Variants in FAR2 observed in about 807,000 individuals in gnomAD.
FAR2 encodes epididymis secretory protein Li 81.
A neutral mutation model predicts 56.0 loss-of-function variants in FAR2; 19 were observed. That is an observed-to-expected ratio of 0.34 (90% CI 0.24 to 0.50). The LOEUF (loss-of-function observed/expected upper bound fraction) is 0.50, where lower values mean the gene tolerates loss of function less well. Ranked by LOEUF, FAR2 falls within the 20% of genes least tolerant of loss-of-function variation. FAR2 has a pLI of 0.98. For missense variants in FAR2, 508 were observed against 642.2 expected (o/e 0.79, Z 2.26); for synonymous variants, 219 against 218.8 (o/e 1.00, Z -0.01).
intron 10 of FAR2, among the ~76,000 whole-genome samples, chr12:29,327,768 G>A (rs1400355783): frequency 6.6e-6 from 1 of 152,186 alleles, no homozygotes; most frequent in Non-Finnish European, 1.5e-5. Flanking sequence ...ATGGATTAAA[G>A]ACTTACACGT....
At chr12:29,298,127 G>C (rs906786741) in intron 4 of FAR2, among the ~76,000 whole-genome samples, 6 of 151,722 alleles carry the variant, frequency 4.0e-5, no homozygotes, top group Non-Finnish European at 7.4e-5. Flanking sequence ...ATTTGGCTGA[G>C]ACACACTTTC....
intron 9 of FAR2, among the ~76,000 whole-genome samples, chr12:29,320,774 A>G (rs1172993922): frequency 6.6e-6 from 1 of 152,242 alleles, no homozygotes; most frequent in Non-Finnish European, 1.5e-5. Context: ...ATTGTATATG[A>G]AAGTTTTTTG....
intron 1 of FAR2, among the ~76,000 whole-genome samples, chr12:29,154,421 T>TTTTTGTTTTG (rs5797306): frequency 6.7e-6 from 1 of 150,288 alleles, no homozygotes; most frequent in African/African-American, 2.5e-5. Context: ...TTTGTTTTTT[T>TTTTTGTTTTG]TTTTGTTTTG....
intron 1 of FAR2, among the ~76,000 whole-genome samples, chr12:29,263,844 A>G (rs1948465630): frequency 6.6e-6 from 1 of 151,972 alleles, no homozygotes; most frequent in Non-Finnish European, 1.5e-5. Flanking sequence ...AAAGCTCATT[A>G]TTTGATGGCT....
At chr12:29,306,124 T>C (rs1233938471) in intron 4 of FAR2, among the ~76,000 whole-genome samples, 1 of 152,108 alleles carries the variant, frequency 6.6e-6, no homozygotes, top group Non-Finnish European at 1.5e-5. Context: ...TGAAATGAGA[T>C]AGTGGTAGGA....
At chr12:29,163,451 T>G (rs1015564427) in intron 1 of FAR2, among the ~76,000 whole-genome samples, 4 of 152,240 alleles carry the variant, frequency 2.6e-5, no homozygotes, top group African/African-American at 9.6e-5. Context: ...ACAACTGTAG[T>G]AGACAGAGAA....
chr12:29,249,516 C>T (rs887763325), intron 1 of FAR2, among the ~76,000 whole-genome samples: 1 of 152,172 alleles, frequency 6.6e-6, no homozygotes, highest in African/African-American at 2.4e-5. Context: ...GAAAGGGTAT[C>T]TCTACATTCC....
At chr12:29,178,443 A>T (rs1254971759) in intron 1 of FAR2, among the ~76,000 whole-genome samples, 1 of 152,148 alleles carries the variant, frequency 6.6e-6, no homozygotes, top group Non-Finnish European at 1.5e-5. Flanking sequence ...GAAAATACAA[A>T]AATTAGTTCA....
intron 1 of FAR2, among the ~76,000 whole-genome samples, chr12:29,160,907 C>T (rs1949776421): frequency 6.6e-6 from 1 of 152,074 alleles, no homozygotes; most frequent in South Asian, 2.1e-4. Flanking sequence ...TTCTAAGGTA[C>T]TGAGGTTTAG....
intron 1 of FAR2, among the ~76,000 whole-genome samples, chr12:29,205,079 A>G (rs1028926320): frequency 6.6e-6 from 1 of 152,222 alleles, no homozygotes; most frequent in African/African-American, 2.4e-5. Flanking sequence ...TGATATCAAA[A>G]TAATTACAAA....
At chr12:29,284,911 G>C (rs1473993964) in intron 2 of FAR2, among the ~76,000 whole-genome samples, 3 of 152,016 alleles carry the variant, frequency 2.0e-5, no homozygotes, top group South Asian at 4.2e-4. Context: ...GCGCGATCTC[G>C]GCTCACTGCA....
At chr12:29,308,365 T>C (rs1437117919) in intron 5 of FAR2, among the ~76,000 whole-genome samples, 2 of 152,134 alleles carry the variant, frequency 1.3e-5, no homozygotes, top group African/African-American at 2.4e-5. Context: ...CACTACTTAC[T>C]GGTAATGCAA....
chr12:29,238,936 A>T (rs886317472), intron 1 of FAR2, among the ~76,000 whole-genome samples: 1 of 152,162 alleles, frequency 6.6e-6, no homozygotes, highest in African/African-American at 2.4e-5. Flanking sequence ...AAGTCATGGA[A>T]GCTTGCTTCT....
At chr12:29,184,079 T>G (rs1373967348) in intron 1 of FAR2, among the ~76,000 whole-genome samples, 3 of 152,218 alleles carry the variant, frequency 2.0e-5, no homozygotes. Context: ...CCCTTTAAAA[T>G]TATTTATTTT....
intron 1 of FAR2, among the ~76,000 whole-genome samples, chr12:29,174,642 G>A (rs1949919919): frequency 6.6e-6 from 1 of 151,860 alleles, no homozygotes; most frequent in Admixed American, 6.6e-5. Context: ...GGATGGTCTC[G>A]ATCTCCTGAC....
At chr12:29,309,136 T>C (rs374610256) in intron 5 of FAR2, 50 bp from the exon 6 acceptor site, 77 of 1,380,286 alleles carry the variant, frequency 5.6e-5, no homozygotes, top group South Asian at 3.7e-4. Flanking sequence ...GTTCCAAAGA[T>C]AAAACAATTT....
At chr12:29,308,719 C>CATATATATAT (rs71042985) in intron 5 of FAR2, among the ~76,000 whole-genome samples, 33 of 132,372 alleles carry the variant, frequency 2.5e-4, no homozygotes, top group East Asian at 2.0e-3. Context: ...CACACACACA[C>CATATATATAT]ATATATATAT....
chr12:29,229,244 T>C (rs1947815994), intron 1 of FAR2, among the ~76,000 whole-genome samples: 3 of 152,210 alleles, frequency 2.0e-5, no homozygotes, highest in Non-Finnish European at 4.4e-5. Context: ...TTATCTGGTC[T>C]TTCTTAATAG....
intron 1 of FAR2, among the ~76,000 whole-genome samples, chr12:29,258,413 TA>T (rs1483010070): frequency 6.6e-6 from 1 of 152,168 alleles, no homozygotes; most frequent in Non-Finnish European, 1.5e-5. Context: ...AATATATGTA[TA>T]AATTTTTTTC....
Sources: allele counts gnomAD v4.1 joint callset (sites outside exome capture counted in the v4.1 genomes callset), GRCh38; gene constraint gnomAD v4.1.1; transcripts MANE v1.5; gene names NCBI Gene and HGNC (gene_info 2026-07-23, HGNC 2026-07-21).